The following STARD8 variants were observed in gnomAD, a reference collection of about 807,000 sequenced individuals.
STARD8 encodes the protein StAR related lipid transfer domain containing 8.
In STARD8, 25 loss-of-function variants were observed where a neutral mutation model predicts 69.4. The ratio of observed to expected loss-of-function variants is 0.36; its 90% confidence interval spans 0.26 to 0.50. The LOEUF is 0.50. Ranked by LOEUF, STARD8 falls within the 20% of genes least tolerant of loss-of-function variation. The pLI is 0.96. For missense variants in STARD8, 921 were observed against 932.5 expected (o/e 0.99, Z 0.16); for synonymous variants, 389 against 374.6 (o/e 1.04, Z -0.45).
intron 1 of STARD8, among the ~76,000 whole-genome samples, chrX:68,658,336 T>C (rs1293734611): frequency 8.9e-6 from 1 of 112,359 alleles, no homozygotes; most frequent in African/African-American, 3.2e-5. Flanking sequence ...TATTAAGTGG[T>C]GAATTGGGGA....
chrX:68,710,084 G>A (rs1022788203), intron 2 of STARD8, among the ~76,000 whole-genome samples: 7 of 111,892 alleles, frequency 6.3e-5, no homozygotes, highest in African/African-American at 2.3e-4. Flanking sequence ...TGGCTGGCAT[G>A]AGGGCAGGTG....
intron 4 of STARD8, 78 bp from the exon 5 acceptor site, chrX:68,716,290 G>A: frequency 9.4e-6 from 9 of 953,346 alleles, no homozygotes; most frequent in Non-Finnish European, 1.3e-5. Context: ...GGCATGTGAA[G>A]TGGCAGGTGC....
intron 2 of STARD8, among the ~76,000 whole-genome samples, chrX:68,705,612 G>A: frequency 8.9e-6 from 1 of 112,828 alleles, no homozygotes; most frequent in Non-Finnish European, 1.9e-5. Context: ...ATCCTGGGGG[G>A]AGGGTGGGCT....
In STARD8 at chrX:68,693,673, A is replaced by G. The variant is rs1203897870; in HGVS notation, c.80-19241A>G. ...GGACTCGGGTTGACAACGGCTAAGC[A>G]GCCGCGGCAGCTGCTCTTCTGGCTG... On this transcript the variant is annotated intron_variant, in intron 2 of 14. Coordinates refer to ENST00000374599, the MANE Select transcript of STARD8 (RefSeq NM_001142503.3). 1.1e-5 allele frequency: 8 copies of G among 753,510 alleles called. No individual in the cohort carries two copies. In the East Asian group the frequency reaches 1.1e-3, roughly 101 times the overall value. 62.1% of individuals were successfully genotyped at this position (753,510 alleles called of 1,213,427 possible).
intron 2 of STARD8, among the ~76,000 whole-genome samples, chrX:68,708,481 G>T (rs1164731676): frequency 8.9e-6 from 1 of 112,159 alleles, no homozygotes; most frequent in Non-Finnish European, 1.9e-5. Flanking sequence ...AAATGTAGGT[G>T]CAGATACTGT....
At position 68,725,625 on chromosome X, in the gene STARD8, CAT is replaced by C. The variant is rs1412317855; in HGVS notation, c.*1210_*1211del. ...ATATGTGTTTATAGAGATACACACA[CAT>C]ATATATGTGTGTATATATATACACA... On this transcript the variant is annotated 3_prime_UTR_variant, in exon 15 of 15. Coordinates refer to ENST00000374599, the MANE Select transcript of STARD8 (RefSeq NM_001142503.3). 18 of 103,647 alleles carry C rather than the reference CAT, an allele frequency of 1.7e-4. No homozygotes were observed. The highest frequency in any genetic ancestry group is 8.8e-4 in the South Asian group (2 of 2,268). The allele number at this position is 103,647 out of a possible 1,213,427, so 8.5% of individuals were successfully genotyped here.
chrX:68,718,719 C>A, intron 6 of STARD8, 90 bp downstream of exon 6: 7 of 1,101,381 alleles, frequency 6.4e-6, no homozygotes, highest in Non-Finnish European at 7.1e-6. Flanking sequence ...AGGCCCAGGG[C>A]TAAGTGCTTG....
At chrX:68,665,565 T>C (rs201871956) in intron 2 of STARD8, 33 bp downstream of exon 2, 2 of 1,197,554 alleles carry the variant, frequency 1.7e-6, no homozygotes, top group African/African-American at 1.8e-5. Context: ...GCAAGTGGCA[T>C]ACAAAGAGAC....
rs1602609108 is a variant in STARD8, at chrX:68,717,413, C to T, written c.499C>T (p.Pro167Ser). 1.7e-6 allele frequency: 2 copies of T among 1,210,040 alleles called. No homozygotes were observed. The highest frequency in any genetic ancestry group is 2.2e-6 in the Non-Finnish European group (2 of 894,958). ...GCCAGTCATCACCGTGAGCCTACCA[C>T]CCGAGCCAGCAGACTTGCCCTTGCC... ...SLPVITVSLP[P>S]EPADLPLPGR... The change falls in exon 6 of 15, where the codon CCC becomes TCC. Residue 167 changes from proline to serine, a missense_variant. Pro to Ser is a moderately conservative substitution (Grantham distance 74). Transcript: ENST00000374599.
At chrX:68,684,562 G>A (rs980728402) in intron 2 of STARD8, among the ~76,000 whole-genome samples, 4 of 112,628 alleles carry the variant, frequency 3.6e-5, no homozygotes, top group Admixed American at 9.3e-5. Context: ...CGGGCGGCGT[G>A]GGGGAGGGGG....
chrX:68,670,641 G>A (rs2079722554), intron 2 of STARD8, among the ~76,000 whole-genome samples: 1 of 111,308 alleles, frequency 9.0e-6, no homozygotes, highest in East Asian at 2.8e-4. Flanking sequence ...GGGAACTTCA[G>A]GTGGAAAGAC....
Position 68,647,869 on chromosome X carries a change from C to T in STARD8, c.-14C>T, listed in dbSNP as rs1391352838. 3 of 1,196,045 alleles carry T rather than the reference C, an allele frequency of 2.5e-6. No individual in the cohort carries two copies. The East Asian group carries it at 9.1e-5, about 36-fold the overall frequency. On this transcript the variant is annotated 5_prime_UTR_variant, in exon 1 of 15. Transcript: ENST00000374599. The stretch of plus-strand genomic sequence containing the variant: ...CACAGCCCCGCCGGCCCTAGAAGCT[C>T]CCCACGCGCCACCATGCCTCTGCTG...
At chrX:68,653,306 C>CCA (rs1569351243) in intron 1 of STARD8, among the ~76,000 whole-genome samples, 2 of 35,836 alleles carry the variant, frequency 5.6e-5, no homozygotes, top group East Asian at 2.0e-3. Flanking sequence ...CACACACACA[C>CCA]CACACCACAC....
Position 68,723,824 on chromosome X carries a change from C to G in STARD8, c.2998C>G (p.Arg1000Gly). Residue 1000 changes from arginine (R) to glycine (G), a missense_variant, in exon 13 of 15, where the codon CGC becomes GGC. Arg to Gly is a moderately radical substitution (Grantham distance 125). Coordinates refer to ENST00000374599, the MANE Select transcript of STARD8 (RefSeq NM_001142503.3). Reference protein sequence around the residue: ...VTDSMAPHPCRDFVVLRMWRS... With the variant: ...VTDSMAPHPCGDFVVLRMWRS... Reference sequence around the variant, plus strand: ...CGACAGCATGGCACCCCATCCCTGCCGCGACTTTGTGGTGCTTCGGTGAGG... The same window carrying G: ...CGACAGCATGGCACCCCATCCCTGCGGCGACTTTGTGGTGCTTCGGTGAGG... The G allele has an allele frequency of 1.7e-6, 2 of 1,192,028 alleles. No homozygotes were observed. The highest frequency in any genetic ancestry group is 2.3e-6 in the Non-Finnish European group (2 of 885,495).
At chrX:68,704,989 C>T (rs762201991) in intron 2 of STARD8, among the ~76,000 whole-genome samples, 22 of 112,069 alleles carry the variant, frequency 2.0e-4, no homozygotes, top group African/African-American at 5.5e-4. Flanking sequence ...GAGCAGTCAC[C>T]GCTGGCCTAA....
chrX:68,723,563 G>C, intron 12 of STARD8, 63 bp from the exon 13 acceptor site: 1 of 999,213 alleles, frequency 1.0e-6, no homozygotes, highest in Non-Finnish European at 1.3e-6. Flanking sequence ...CCTGGACTTA[G>C]GGCTGGAGTC....
At position 68,718,381 on chromosome X, in the gene STARD8, G is replaced by A. The variant is rs1202876087; in HGVS notation, c.1467G>A (p.Pro489=). The A allele has an allele frequency of 1.1e-5, 13 of 1,204,317 alleles. No homozygotes were observed. Among genetic ancestry groups the A allele is most frequent in the Admixed American group, 4.4e-5 (2 of 45,564 alleles). The change falls in exon 6 of 15, where the codon CCG becomes CCA. Residue 489 remains proline (P), a synonymous_variant. Transcript: ENST00000374599. ...AGGCTGAGGCCCCGGCCCCAGCCCCGGCCCCGGCCCCAGCCCAGGACAGTG... is the reference window on the plus strand; with the variant it reads ...AGGCTGAGGCCCCGGCCCCAGCCCCAGCCCCGGCCCCAGCCCAGGACAGTG... ...QEEAEAPAPA[P]APAPAQDSEQ... is the part of the protein sequence containing the mutation.
chrX:68,692,637 T>C (rs1179232198), intron 2 of STARD8, among the ~76,000 whole-genome samples: 1 of 112,135 alleles, frequency 8.9e-6, no homozygotes, highest in African/African-American at 3.2e-5. Flanking sequence ...GCTGAGTAAA[T>C]CATTTGAGGC....
chrX:68,720,273 C>T lies in STARD8; in HGVS notation c.1899C>T (p.Pro633=). The change falls in exon 8 of 15, where the codon CCC becomes CCT. Residue 633 remains proline (P), a synonymous_variant. Coordinates refer to ENST00000374599, the MANE Select transcript of STARD8 (RefSeq NM_001142503.3). Reference sequence around the variant, plus strand: ...TCATTCTCCCAAACAGGTCAATGCCCAAGTTCATGAGGAGGAACAAGACCC... The same window carrying T: ...TCATTCTCCCAAACAGGTCAATGCCTAAGTTCATGAGGAGGAACAAGACCC... ...PHKQGWVWSM[P]KFMRRNKTPD... is the part of the protein sequence containing the mutation. 1 of 1,198,887 alleles carries T rather than the reference C, an allele frequency of 8.3e-7. No individual in the cohort carries two copies. Among genetic ancestry groups the T allele is most frequent in the Non-Finnish European group, 1.1e-6 (1 of 888,766 alleles).
Sources: allele counts gnomAD v4.1 joint callset (sites outside exome capture counted in the v4.1 genomes callset), GRCh38; gene constraint gnomAD v4.1.1; transcripts MANE v1.5; gene names NCBI Gene and HGNC (gene_info 2026-07-23, HGNC 2026-07-21).